Variants in AFAP1 observed in about 807,000 individuals in gnomAD.
AFAP1 encodes actin filament-associated protein 1.
AFAP1 carries 75 observed loss-of-function variants against 93.9 expected under a neutral mutation model. That is an observed-to-expected ratio of 0.80 (90% CI 0.66 to 0.97). The LOEUF is 0.97. AFAP1 is among the 50% of genes least tolerant of loss of function. AFAP1 has a pLI of 0.00. For synonymous variants in AFAP1, 517 were observed against 430.7 expected (o/e 1.20, Z -2.48); for missense variants, 1,201 against 1,050.8 (o/e 1.14, Z -1.98).
intron 1 of AFAP1, among the ~76,000 whole-genome samples, chr4:7,896,221 T>TA (rs1042351861): frequency 3.3e-5 from 5 of 152,128 alleles, no homozygotes; most frequent in Non-Finnish European, 7.4e-5. Flanking sequence ...TTGTAATGCC[T>TA]AAAACACAGT....
At chr4:7,813,973 C>G (rs1273181877) in intron 8 of AFAP1, among the ~76,000 whole-genome samples, 3 of 152,136 alleles carry the variant, frequency 2.0e-5, no homozygotes, top group Non-Finnish European at 4.4e-5. Context: ...CAGCCAAGGT[C>G]ACAGGTTCAA....
At chr4:7,800,782 A>G (rs1718952507) in intron 9 of AFAP1, 129 bp from the exon 10 acceptor site, 1 of 912,578 alleles carries the variant, frequency 1.1e-6, no homozygotes, top group Non-Finnish European at 1.7e-6. Context: ...ACGATCGATC[A>G]AGCTTTAAAT....
At chr4:7,883,778 G>A (rs183746240) in intron 1 of AFAP1, among the ~76,000 whole-genome samples, 1 of 152,060 alleles carries the variant, frequency 6.6e-6, no homozygotes, top group East Asian at 1.9e-4. Flanking sequence ...ACTTACATAG[G>A]GAAAACTTAA....
intron 4 of AFAP1, 151 bp downstream of exon 4, chr4:7,855,315 C>T (rs1469053046): frequency 1.5e-5 from 9 of 607,286 alleles, no homozygotes; most frequent in Admixed American, 1.3e-4. Context: ...CAAAACCTTT[C>T]CTGTACTGAC....
At chr4:7,928,398 T>G (rs969171635) in intron 1 of AFAP1, among the ~76,000 whole-genome samples, 1 of 150,684 alleles carries the variant, frequency 6.6e-6, no homozygotes, top group Non-Finnish European at 1.5e-5. Context: ...GTTTTTTTGG[T>G]TTTTTTTGAG....
intron 4 of AFAP1, among the ~76,000 whole-genome samples, chr4:7,845,414 T>G (rs1016714514): frequency 7.6e-6 from 1 of 132,360 alleles, no homozygotes; most frequent in Non-Finnish European, 1.8e-5. Flanking sequence ...AGAACAAGAT[T>G]ATTATTATTA....
At chr4:7,852,397 C>T (rs927708923) in intron 4 of AFAP1, among the ~76,000 whole-genome samples, 7 of 152,180 alleles carry the variant, frequency 4.6e-5, no homozygotes, top group African/African-American at 1.7e-4. Context: ...GTGTCAGTAA[C>T]AGGCAAAGAA....
intron 6 of AFAP1, among the ~76,000 whole-genome samples, chr4:7,832,956 G>A (rs1356736020): frequency 6.6e-6 from 1 of 152,116 alleles, no homozygotes; most frequent in Admixed American, 6.5e-5. Flanking sequence ...CCTCATGTAG[G>A]AGAATGAAAC....
intron 10 of AFAP1, among the ~76,000 whole-genome samples, chr4:7,796,772 A>C (rs1718466566): frequency 7.0e-6 from 1 of 143,536 alleles, no homozygotes; most frequent in African/African-American, 2.6e-5. Context: ...ACAAAAAAAA[A>C]CTATGGGTTG....
intron 3 of AFAP1, among the ~76,000 whole-genome samples, chr4:7,856,957 G>C (rs1715142413): frequency 6.6e-6 from 1 of 152,226 alleles, no homozygotes; most frequent in South Asian, 2.1e-4. Context: ...AGAAGTTGAA[G>C]CTCAGAATCT....
chr4:7,880,386 T>C (rs970030217), intron 1 of AFAP1, among the ~76,000 whole-genome samples: 4 of 150,128 alleles, frequency 2.7e-5, no homozygotes, highest in Non-Finnish European at 5.9e-5. Flanking sequence ...TTCAAGCAAT[T>C]CTCCTGCCTC....
intron 1 of AFAP1, among the ~76,000 whole-genome samples, chr4:7,881,463 C>A (rs977065196): frequency 3.9e-5 from 6 of 152,144 alleles, no homozygotes; most frequent in Non-Finnish European, 7.4e-5. Flanking sequence ...ACTCATTTGG[C>A]CCTCATCCTC....
At chr4:7,821,298 T>C (rs1376749703) in intron 6 of AFAP1, among the ~76,000 whole-genome samples, 2 of 152,186 alleles carry the variant, frequency 1.3e-5, no homozygotes, top group Non-Finnish European at 2.9e-5. Context: ...TAAGCCAGCA[T>C]GTGGCACGTG....
chr4:7,766,368 G>A (rs1353601673), intron 17 of AFAP1, among the ~76,000 whole-genome samples: 2 of 152,198 alleles, frequency 1.3e-5, no homozygotes, highest in East Asian at 3.9e-4. Context: ...CCCAGGCAGT[G>A]GGGTTTTCAG....
intron 1 of AFAP1, among the ~76,000 whole-genome samples, chr4:7,937,555 C>A (rs1367285486): frequency 6.6e-6 from 1 of 152,172 alleles, no homozygotes; most frequent in Non-Finnish European, 1.5e-5. Context: ...GGAGTTATTT[C>A]AACTCACTGC....
intron 14 of AFAP1, chr4:7,778,439 G>A (rs1716380854): frequency 2.4e-6 from 1 of 425,512 alleles, no homozygotes; most frequent in East Asian, 5.3e-5. Flanking sequence ...TCAGGGACAG[G>A]AGCTGAGGTC....
At chr4:7,902,220 G>A (rs544638049) in intron 1 of AFAP1, among the ~76,000 whole-genome samples, 17 of 152,120 alleles carry the variant, frequency 1.1e-4, no homozygotes, top group South Asian at 4.1e-4. Flanking sequence ...CGGGCTTCCC[G>A]GGTCCCAAAT....
intron 2 of AFAP1, 57 bp from the exon 3 acceptor site, chr4:7,868,776 C>A: frequency 6.8e-7 from 1 of 1,474,474 alleles, no homozygotes; most frequent in Non-Finnish European, 9.4e-7. Flanking sequence ...AGAAGGGTAC[C>A]ACTAGCATCT....
intron 1 of AFAP1, among the ~76,000 whole-genome samples, chr4:7,926,559 A>G (rs1322809015): frequency 6.6e-6 from 1 of 152,020 alleles, no homozygotes; most frequent in Non-Finnish European, 1.5e-5. Flanking sequence ...CAAGGAGGAG[A>G]GAAGCAAATG....
Sources: allele counts gnomAD v4.1 joint callset (sites outside exome capture counted in the v4.1 genomes callset), GRCh38; gene constraint gnomAD v4.1.1; transcripts MANE v1.5; gene names NCBI Gene and HGNC (gene_info 2026-07-23, HGNC 2026-07-21).